CPNE4: variants seen among roughly 807,000 people sequenced by gnomAD.
CPNE4 encodes the protein copine-4.
CPNE4 carries 25 observed loss-of-function variants against 67.9 expected under a neutral mutation model. The observed-to-expected ratio is 0.37, with a 90% CI of 0.27 to 0.51. The LOEUF (loss-of-function observed/expected upper bound fraction) is 0.51. CPNE4 is among the 20% of genes least tolerant of loss of function. The pLI is 0.93. For synonymous variants in CPNE4, 242 were observed against 244.9 expected (o/e 0.99, Z 0.11); for missense variants, 464 against 690.8 (o/e 0.67, Z 3.68).
chr3:131,790,966 T>A (rs2083703792), intron 2 of CPNE4, among the ~76,000 whole-genome samples: 1 of 152,178 alleles, frequency 6.6e-6, no homozygotes. Context: ...TTTCCATAAC[T>A]CAAAGTGTTA....
intron 7 of CPNE4, among the ~76,000 whole-genome samples, chr3:131,612,119 A>G (rs910163746): frequency 2.0e-5 from 3 of 152,132 alleles, no homozygotes; most frequent in African/African-American, 7.2e-5. Context: ...CATGCCTATA[A>G]TCTCAGCACT....
At chr3:131,646,275 A>T (rs1431458200) in intron 7 of CPNE4, among the ~76,000 whole-genome samples, 1 of 152,186 alleles carries the variant, frequency 6.6e-6, no homozygotes, top group African/African-American at 2.4e-5. Flanking sequence ...AAAATGAATC[A>T]ATATACAAAT....
intron 4 of CPNE4, among the ~76,000 whole-genome samples, chr3:131,697,207 C>A (rs2081174980): frequency 2.6e-5 from 4 of 152,282 alleles, no homozygotes; most frequent in African/African-American, 9.6e-5. Flanking sequence ...AAAAGACTTT[C>A]TCATAATAGG....
intron 9 of CPNE4, among the ~76,000 whole-genome samples, chr3:131,576,506 A>C (rs1475738643): frequency 2.0e-5 from 3 of 152,124 alleles, no homozygotes; most frequent in African/African-American, 4.8e-5. Flanking sequence ...TAGTCACATA[A>C]CTGTTTAGAA....
At chr3:132,011,441 G>A (rs1454766651) in intron 1 of CPNE4, among the ~76,000 whole-genome samples, 14 of 152,148 alleles carry the variant, frequency 9.2e-5, no homozygotes, top group African/African-American at 3.1e-4. Flanking sequence ...AAAGGGAATG[G>A]CAAACAATTG....
chr3:131,748,770 T>G (rs548451321), intron 2 of CPNE4, among the ~76,000 whole-genome samples: 1 of 152,200 alleles, frequency 6.6e-6, no homozygotes, highest in Admixed American at 6.5e-5. Context: ...TGTATTATTA[T>G]CTTATTATCC....
chr3:131,774,606 T>C (rs1327669963), intron 2 of CPNE4, among the ~76,000 whole-genome samples: 5 of 152,170 alleles, frequency 3.3e-5, no homozygotes, highest in Non-Finnish European at 1.5e-5. Context: ...CAGGCCTGAC[T>C]GATCATGAAG....
intron 7 of CPNE4, among the ~76,000 whole-genome samples, chr3:131,626,067 G>C (rs1198546562): frequency 6.6e-6 from 1 of 152,062 alleles, no homozygotes; most frequent in Non-Finnish European, 1.5e-5. Flanking sequence ...TTAATGTGTG[G>C]GTTCTGACTT....
chr3:131,546,544 T>G (rs536627737), intron 14 of CPNE4, among the ~76,000 whole-genome samples: 1 of 152,154 alleles, frequency 6.6e-6, no homozygotes, highest in African/African-American at 2.4e-5. Flanking sequence ...GAGAAACCTC[T>G]GGGGAAAAGC....
intron 2 of CPNE4, among the ~76,000 whole-genome samples, chr3:131,788,383 C>T (rs1404253228): frequency 6.6e-6 from 1 of 151,946 alleles, no homozygotes; most frequent in Non-Finnish European, 1.5e-5. Flanking sequence ...AGAAAAAATA[C>T]AAATGATGAA....
At chr3:131,980,959 T>C (rs2072890395) in intron 1 of CPNE4, among the ~76,000 whole-genome samples, 2 of 152,122 alleles carry the variant, frequency 1.3e-5, no homozygotes, top group Admixed American at 1.3e-4. Context: ...GATTGTTGTC[T>C]CTCTTCTGGG....
At chr3:132,000,053 C>CAAAA (rs10566178) in intron 1 of CPNE4, among the ~76,000 whole-genome samples, 1 of 148,770 alleles carries the variant, frequency 6.7e-6, no homozygotes, top group Non-Finnish European at 1.5e-5. Flanking sequence ...AGGAAATAGG[C>CAAAA]AAAAAAAAAA....
intron 13 of CPNE4, among the ~76,000 whole-genome samples, chr3:131,551,843 A>G (rs1012459368): frequency 6.6e-6 from 1 of 152,104 alleles, no homozygotes; most frequent in Non-Finnish European, 1.5e-5. Context: ...AATAATTATT[A>G]TCATAGTTTC....
At chr3:131,667,199 T>G (rs2080285879) in intron 7 of CPNE4, among the ~76,000 whole-genome samples, 1 of 151,736 alleles carries the variant, frequency 6.6e-6, no homozygotes, top group Non-Finnish European at 1.5e-5. Flanking sequence ...TGCTTTCTGA[T>G]GCAAGAAAAA....
intron 1 of CPNE4, among the ~76,000 whole-genome samples, chr3:131,921,022 G>T (rs139565849): frequency 6.6e-6 from 1 of 152,146 alleles, no homozygotes; most frequent in Non-Finnish European, 1.5e-5. Context: ...CAGAACAAAG[G>T]CCTCCTGTCC....
chr3:132,001,079 G>C (rs1000243053), intron 1 of CPNE4, among the ~76,000 whole-genome samples: 1 of 151,822 alleles, frequency 6.6e-6, no homozygotes, highest in African/African-American at 2.4e-5. Flanking sequence ...GTCCAATTTT[G>C]GTCTCTCTAC....
At chr3:131,988,910 A>G (rs960727387) in intron 1 of CPNE4, among the ~76,000 whole-genome samples, 1 of 152,264 alleles carries the variant, frequency 6.6e-6, no homozygotes, top group Admixed American at 6.5e-5. Flanking sequence ...CTGTGGACAT[A>G]AAGACCCCAA....
chr3:131,844,877 T>A (rs1477651724), intron 2 of CPNE4, among the ~76,000 whole-genome samples: 1 of 152,192 alleles, frequency 6.6e-6, no homozygotes, highest in Non-Finnish European at 1.5e-5. Context: ...GGCTCCTACA[T>A]GACACGTAAG....
chr3:131,922,274 A>G (rs1321425039), intron 1 of CPNE4, among the ~76,000 whole-genome samples: 1 of 152,206 alleles, frequency 6.6e-6, no homozygotes, highest in Non-Finnish European at 1.5e-5. Context: ...ATGGCTGTGT[A>G]GTATTCCATG....
Sources: allele counts gnomAD v4.1 joint callset (sites outside exome capture counted in the v4.1 genomes callset), GRCh38; gene constraint gnomAD v4.1.1; transcripts MANE v1.5; gene names NCBI Gene and HGNC (gene_info 2026-07-23, HGNC 2026-07-21).